CEP128: variants seen among roughly 807,000 people sequenced by gnomAD.
CEP128 encodes centrosomal protein 128kDa.
In CEP128, 132 loss-of-function variants were observed where a neutral mutation model predicts 156.7. The ratio of observed to expected loss-of-function variants is 0.84; its 90% CI spans 0.73 to 0.97. The LOEUF (loss-of-function observed/expected upper bound fraction) is 0.97, where lower values mean the gene tolerates loss of function less well. Among genes scored for constraint, CEP128 ranks in the 50% least tolerant of loss-of-function variants. CEP128 has a pLI of 0.00. For synonymous variants in CEP128, 469 were observed against 448.9 expected, an observed-to-expected ratio of 1.04 and a Z score of -0.57; for missense variants, 1,252 against 1,281.9, an observed-to-expected ratio of 0.98 and a Z score of 0.36.
chr14:80,836,327 A>G lies in CEP128; in HGVS notation c.935T>C (p.Leu312Pro). ...RETLLHQVEE[L>P]RTQLTKAEGD... ...TTCTGCTTTCGTAAGTTGTGTACGC[A>G]GTTCTTCTACCTAACACATGGTCAA... Residue 312 changes from leucine to proline, a missense_variant, in exon 12 of 25, where the codon CTG becomes CCG. By Grantham distance (98) the Leu-to-Pro change is moderately conservative. Transcript: ENST00000555265. 6.2e-7 allele frequency: 1 copy of G among 1,613,984 alleles called. No individual in the cohort carries two copies. The highest frequency in any genetic ancestry group is 8.5e-7 in the Non-Finnish European group (1 of 1,179,944).
intron 19 of CEP128, among the ~76,000 whole-genome samples, chr14:80,739,995 A>C (rs965271692): frequency 6.6e-6 from 1 of 152,208 alleles, no homozygotes; most frequent in African/African-American, 2.4e-5. Flanking sequence ...AATAAATTTC[A>C]AAACAGGGAA....
intron 8 of CEP128, among the ~76,000 whole-genome samples, chr14:80,882,463 T>C (rs34144142): frequency 0.098 from 14,987 of 152,178 alleles, 1,255 homozygotes; most frequent in East Asian, 0.44. Flanking sequence ...CCTCCTACAC[T>C]GTTCGTGGGA....
At chr14:80,573,654 T>G (rs1891239042) in intron 20 of CEP128, among the ~76,000 whole-genome samples, 1 of 152,138 alleles carries the variant, frequency 6.6e-6, no homozygotes, top group Non-Finnish European at 1.5e-5. Context: ...TGAGAGTGGG[T>G]CCCTGCTCTC....
Position 80,951,570 on chromosome 14 carries a change from C to T in CEP128, c.-172+6608G>A, listed in dbSNP as rs1461428460. 2.0e-5 allele frequency among the ~76,000 whole-genome samples: 3 copies of T among 151,906 alleles called. No individual in the cohort carries two copies. In the South Asian group the frequency reaches 6.2e-4, roughly 32 times the overall value. On this transcript the variant is annotated intron_variant, in intron 2 of 7. Coordinates refer to the CEP128 transcript ENST00000555529. ...GAATCATAAAAATTCCTTAATGACTCCAAACATATGTTTAAAATAAAAGGA... is the reference window on the plus strand; with the variant it reads ...GAATCATAAAAATTCCTTAATGACTTCAAACATATGTTTAAAATAAAAGGA...
chr14:80,762,270 A>AC (rs1900007854), intron 16 of CEP128, among the ~76,000 whole-genome samples: 1 of 124,198 alleles, frequency 8.1e-6, no homozygotes, highest in Non-Finnish European at 1.8e-5. Context: ...CTAAATCATT[A>AC]TGATTATACA....
In CEP128 at chr14:80,949,357, G is replaced by A. The variant is rs117473744; in HGVS notation, c.-172+8821C>T. ...GGTGGAGTTTGCAGGACAAACTACG[G>A]GAGGTAGAGAGCTACGTAGAGAGAA... On this transcript the variant is annotated intron_variant, in intron 2 of 7. Transcript: ENST00000555529. Among the ~76,000 whole-genome samples the A allele has an allele frequency of 8.0e-3, 1,223 of 152,244 alleles. 11 individuals carry two copies. The highest frequency in any genetic ancestry group is 9.9e-3 in the Non-Finnish European group (671 of 68,018).
intron 19 of CEP128, among the ~76,000 whole-genome samples, chr14:80,648,663 T>C (rs1227559961): frequency 6.6e-6 from 1 of 152,096 alleles, no homozygotes; most frequent in African/African-American, 2.4e-5. Flanking sequence ...TCTGAAACTG[T>C]GAAGGATATA....
At chr14:80,536,361 G>C (rs1889484748) in intron 21 of CEP128, among the ~76,000 whole-genome samples, 1 of 152,058 alleles carries the variant, frequency 6.6e-6, no homozygotes, top group Admixed American at 6.5e-5. Flanking sequence ...AATCATATGT[G>C]TTTTGAGGTT....
chr14:80,788,143 C>A (rs969916677), intron 14 of CEP128, among the ~76,000 whole-genome samples: 4 of 152,088 alleles, frequency 2.6e-5, no homozygotes, highest in African/African-American at 9.7e-5. Context: ...AAGATTCTGT[C>A]TAGGCATTTT....
chr14:80,574,291 C>T (rs1891264593), intron 20 of CEP128, among the ~76,000 whole-genome samples: 1 of 152,188 alleles, frequency 6.6e-6, no homozygotes, highest in Non-Finnish European at 1.5e-5. Flanking sequence ...CCTTCTAAAG[C>T]AATTCCGAGG....
chr14:80,893,671 A>G (rs1889212030), intron 8 of CEP128, among the ~76,000 whole-genome samples: 1 of 151,980 alleles, frequency 6.6e-6, no homozygotes, highest in Non-Finnish European at 1.5e-5. Context: ...TTTAAACTTG[A>G]GTTTTAGGGG....
chr14:80,798,250 C>T lies in CEP128; in HGVS notation c.1210-5140G>A, dbSNP rs150582402. Among the ~76,000 whole-genome samples the T allele has an allele frequency of 3.1e-3, 473 of 152,220 alleles. 4 individuals are homozygous for T. Among genetic ancestry groups the T allele is most frequent in the Non-Finnish European group, 3.9e-3 (268 of 68,016 alleles). ...GGTGATGAGTAGTTGGGTTGAAGGT[C>T]TCAGGTTTGCTGGTAGTTGGAAGGA... is the stretch of plus-strand genomic sequence containing the variant. On this transcript the variant is annotated intron_variant, in intron 13 of 24. Transcript: ENST00000555265.
intron 8 of CEP128, among the ~76,000 whole-genome samples, chr14:80,875,751 G>A (rs1390974770): frequency 1.3e-5 from 2 of 152,178 alleles, no homozygotes; most frequent in East Asian, 3.9e-4. Flanking sequence ...ATTCTAGATG[G>A]GATACTTTCA....
At chr14:80,720,044 G>T (rs1473729024) in intron 19 of CEP128, among the ~76,000 whole-genome samples, 1 of 152,088 alleles carries the variant, frequency 6.6e-6, no homozygotes, top group Non-Finnish European at 1.5e-5. Context: ...CCTCCGAGGA[G>T]GTGACATTTC....
At chr14:80,754,679 G>A (rs996667960) in intron 18 of CEP128, among the ~76,000 whole-genome samples, 7 of 151,596 alleles carry the variant, frequency 4.6e-5, no homozygotes, top group Admixed American at 4.6e-4. Flanking sequence ...AGCTAGGATG[G>A]TCTCAATCTC....
At chr14:80,826,116 A>C (rs1389775187) in intron 13 of CEP128, among the ~76,000 whole-genome samples, 2 of 151,656 alleles carry the variant, frequency 1.3e-5, no homozygotes, top group Admixed American at 6.6e-5. Flanking sequence ...AAAAAAAAAA[A>C]AAAAAAAAAA....
chr14:80,713,807 T>C (rs1897502392), intron 19 of CEP128, among the ~76,000 whole-genome samples: 1 of 152,236 alleles, frequency 6.6e-6, no homozygotes, highest in Non-Finnish European at 1.5e-5. Context: ...TGATTTTGTT[T>C]TTAATTTTAT....
chr14:80,487,406 G>A (rs1284053715), downstream of CEP128, among the ~76,000 whole-genome samples: 1 of 152,160 alleles, frequency 6.6e-6, no homozygotes, highest in Non-Finnish European at 1.5e-5. Flanking sequence ...AAGAGACTTA[G>A]ACTCCCACAC....
intron 14 of CEP128, among the ~76,000 whole-genome samples, chr14:80,791,545 G>GCTAC (rs1172627650): frequency 6.6e-6 from 1 of 152,078 alleles, no homozygotes; most frequent in Non-Finnish European, 1.5e-5. Context: ...CCTCTCGCTA[G>GCTAC]CTACCTACCT....
Sources: gnomAD v4.1 joint callset for allele counts (sites outside exome capture counted in the v4.1 genomes callset) on GRCh38, gnomAD v4.1.1 for gene constraint, MANE v1.5 for transcripts, NCBI Gene and HGNC (gene_info 2026-07-23, HGNC 2026-07-21) for gene names.